Variants in LRRC4C observed in about 807,000 individuals in gnomAD.
LRRC4C encodes leucine-rich repeat-containing protein 4C.
A neutral mutation model predicts 33.6 loss-of-function variants in LRRC4C; 5 were observed. The observed-to-expected ratio is 0.15, with a 90% CI of 0.08 to 0.31. The LOEUF (loss-of-function observed/expected upper bound fraction) is 0.31, where lower values mean the gene tolerates loss of function less well. Among genes scored for constraint, LRRC4C ranks in the 10% least tolerant of loss-of-function variants. The pLI is 1.00. For missense variants in LRRC4C, 560 were observed against 796.7 expected (o/e 0.70, Z 3.58); for synonymous variants, 329 against 302.0 (o/e 1.09, Z -0.93).
intron 1 of LRRC4C, among the ~76,000 whole-genome samples, chr11:41,157,053 T>C (rs1464404437): frequency 6.6e-6 from 1 of 152,074 alleles, no homozygotes; most frequent in African/African-American, 2.4e-5. Flanking sequence ...GGAACTCCCA[T>C]CTTGAAAGAG....
intron 3 of LRRC4C, among the ~76,000 whole-genome samples, chr11:40,498,370 C>G (rs1954578045): frequency 6.6e-6 from 1 of 152,152 alleles, no homozygotes; most frequent in Non-Finnish European, 1.5e-5. Flanking sequence ...TACACTGCTC[C>G]CACTGCCACT....
intron 4 of LRRC4C, among the ~76,000 whole-genome samples, chr11:40,315,138 G>T (rs1282091060): frequency 1.3e-5 from 2 of 151,784 alleles, no homozygotes; most frequent in African/African-American, 4.9e-5. Flanking sequence ...CAGTATCACT[G>T]TATACTCCCA....
chr11:41,449,576 C>A (rs1180583243), intron 1 of LRRC4C, among the ~76,000 whole-genome samples: 1 of 151,912 alleles, frequency 6.6e-6, no homozygotes. Context: ...ATACCCAGGC[C>A]CAGACAGGAG....
At chr11:40,726,309 A>G (rs1372999757) in intron 2 of LRRC4C, among the ~76,000 whole-genome samples, 1 of 152,194 alleles carries the variant, frequency 6.6e-6, no homozygotes, top group South Asian at 2.1e-4. Flanking sequence ...CTATGAAAAC[A>G]GTATCATGCT....
chr11:40,787,970 G>T (rs1171406731), intron 2 of LRRC4C, among the ~76,000 whole-genome samples: 1 of 152,138 alleles, frequency 6.6e-6, no homozygotes, highest in East Asian at 1.9e-4. Context: ...TTACCATTTT[G>T]CATCTTCTAA....
chr11:41,338,786 C>A (rs1370507263), intron 1 of LRRC4C, among the ~76,000 whole-genome samples: 1 of 151,894 alleles, frequency 6.6e-6, no homozygotes, highest in African/African-American at 2.4e-5. Context: ...AGCAAACAAG[C>A]AATTTGTTTG....
At chr11:40,287,558 C>T (rs1162014653) in intron 4 of LRRC4C, among the ~76,000 whole-genome samples, 1 of 152,088 alleles carries the variant, frequency 6.6e-6, no homozygotes, top group African/African-American at 2.4e-5. Context: ...AGCACAGTGT[C>T]TCAGCCACAA....
chr11:40,894,651 G>C (rs1181068496), intron 2 of LRRC4C, among the ~76,000 whole-genome samples: 1 of 152,020 alleles, frequency 6.6e-6, no homozygotes, highest in Non-Finnish European at 1.5e-5. Flanking sequence ...ACACTCCTTA[G>C]CTTTCTGATA....
At chr11:41,151,915 A>G (rs1199255701) in intron 1 of LRRC4C, among the ~76,000 whole-genome samples, 1 of 152,224 alleles carries the variant, frequency 6.6e-6, no homozygotes, top group Non-Finnish European at 1.5e-5. Flanking sequence ...TCAGCACAGA[A>G]TACATGAATT....
chr11:40,765,807 A>C (rs1010226467), intron 2 of LRRC4C, among the ~76,000 whole-genome samples: 37 of 152,048 alleles, frequency 2.4e-4, no homozygotes, highest in Non-Finnish European at 2.9e-5. Flanking sequence ...TTAAATAAAA[A>C]GGAATGAAAC....
chr11:40,734,368 G>A (rs1036385411), intron 2 of LRRC4C, among the ~76,000 whole-genome samples: 2 of 152,124 alleles, frequency 1.3e-5, no homozygotes, highest in South Asian at 2.1e-4. Flanking sequence ...ACTTGTTTAC[G>A]GATATTTTTC....
chr11:40,558,422 C>T (rs897156416), intron 3 of LRRC4C, among the ~76,000 whole-genome samples: 1 of 152,170 alleles, frequency 6.6e-6, no homozygotes, highest in Non-Finnish European at 1.5e-5. Context: ...GTAACATCCA[C>T]ACACGGTTCT....
chr11:41,160,870 T>A (rs1284001149), intron 1 of LRRC4C, among the ~76,000 whole-genome samples: 1 of 152,112 alleles, frequency 6.6e-6, no homozygotes, highest in Non-Finnish European at 1.5e-5. Flanking sequence ...GCAAGGAACA[T>A]TATATTTATG....
chr11:41,080,674 T>C (rs1281509284), intron 1 of LRRC4C, among the ~76,000 whole-genome samples: 2 of 152,150 alleles, frequency 1.3e-5, no homozygotes, highest in Non-Finnish European at 2.9e-5. Flanking sequence ...TTTCTATTGC[T>C]CTACATTGCT....
At chr11:40,954,396 T>C (rs902472744) in intron 1 of LRRC4C, among the ~76,000 whole-genome samples, 2 of 151,874 alleles carry the variant, frequency 1.3e-5, no homozygotes, top group African/African-American at 4.8e-5. Flanking sequence ...TTCTATAATA[T>C]TTTGGAAATC....
At chr11:40,596,668 T>C (rs1304572727) in intron 3 of LRRC4C, among the ~76,000 whole-genome samples, 1 of 151,962 alleles carries the variant, frequency 6.6e-6, no homozygotes, top group East Asian at 1.9e-4. Flanking sequence ...TGGGTTCAAT[T>C]AAAAAAAATT....
chr11:41,279,369 TACACACACACAAACACAC>T (rs1373238519), intron 1 of LRRC4C, among the ~76,000 whole-genome samples: 12 of 84,962 alleles, frequency 1.4e-4, no homozygotes, highest in African/African-American at 4.5e-4. Flanking sequence ...TCCCATCACA[TACACACACACAAACACAC>T]ACACACACAC....
Position 40,698,402 on chromosome 11 carries a change from T to G in LRRC4C, c.-406-50124A>C, listed in dbSNP as rs570894209. On this transcript the variant is annotated intron_variant, in intron 2 of 6. Coordinates refer to ENST00000528697, the MANE Select transcript of LRRC4C (RefSeq NM_001258419.2). ...CTTCTCTATACTAGCAATCATTGTA[T>G]TTTGGAGAATAATCCAATTCTGGTC... Among the ~76,000 whole-genome samples, 11 of 152,318 alleles carry G rather than the reference T, an allele frequency of 7.2e-5. No individual in the cohort carries two copies. In the South Asian group the frequency reaches 2.3e-3, roughly 32 times the overall value.
intron 2 of LRRC4C, among the ~76,000 whole-genome samples, chr11:40,915,399 A>G (rs186574047): frequency 5.3e-5 from 8 of 152,334 alleles, no homozygotes; most frequent in African/African-American, 1.7e-4. Flanking sequence ...CCACATATCT[A>G]TCACTACCTG....
Sources: gnomAD v4.1 joint callset for allele counts (sites outside exome capture counted in the v4.1 genomes callset) on GRCh38, gnomAD v4.1.1 for gene constraint, MANE v1.5 for transcripts, NCBI Gene and HGNC (gene_info 2026-07-23, HGNC 2026-07-21) for gene names.